NAALADL2: variants seen among roughly 807,000 people sequenced by gnomAD.
NAALADL2 encodes the protein inactive N-acetylated-alpha-linked acidic dipeptidase-like protein 2.
A neutral mutation model predicts 87.2 loss-of-function variants in NAALADL2; 76 were observed. The observed-to-expected ratio is 0.87, with a 90% CI of 0.72 to 1.05. The LOEUF (loss-of-function observed/expected upper bound fraction) is 1.05. Ranked by LOEUF, NAALADL2 falls within the 50% of genes least tolerant of loss-of-function variation. The pLI is 0.00. For missense variants in NAALADL2, 1,089 were observed against 945.8 expected (o/e 1.15, Z -1.99); for synonymous variants, 354 against 331.0 (o/e 1.07, Z -0.75).
intron 11 of NAALADL2, among the ~76,000 whole-genome samples, chr3:175,668,981 A>G (rs1204584595): frequency 6.6e-6 from 1 of 152,126 alleles, no homozygotes. Context: ...GGTGGGTGTT[A>G]TCTCCATTTA....
At chr3:175,665,931 C>T (rs569545232) in intron 11 of NAALADL2, among the ~76,000 whole-genome samples, 5 of 151,562 alleles carry the variant, frequency 3.3e-5, no homozygotes, top group Non-Finnish European at 7.4e-5. Context: ...CTCTGTCCCC[C>T]CCCCAAAAAA....
chr3:174,944,814 G>T (rs986984141), intron 1 of NAALADL2, among the ~76,000 whole-genome samples: 1 of 152,030 alleles, frequency 6.6e-6, no homozygotes, highest in Non-Finnish European at 1.5e-5. Flanking sequence ...GGTTCCCAGG[G>T]GTCACACATT....
intron 5 of NAALADL2, among the ~76,000 whole-genome samples, chr3:175,431,256 C>T (rs958377691): frequency 1.4e-4 from 22 of 152,018 alleles, no homozygotes; most frequent in African/African-American, 5.1e-4. Context: ...ACGAGTTGGG[C>T]ATACTGCAGA....
At chr3:174,857,990 CATAAT>C, upstream of NAALADL2, among the ~76,000 whole-genome samples, 1 of 151,442 alleles carries the variant, frequency 6.6e-6, no homozygotes, top group East Asian at 1.9e-4. Context: ...AGCTAGCACA[CATAAT>C]ATATAGATTT....
intron 1 of NAALADL2, among the ~76,000 whole-genome samples, chr3:175,047,928 G>T (rs896622440): frequency 3.3e-5 from 5 of 152,112 alleles, no homozygotes; most frequent in African/African-American, 4.8e-5. Context: ...AGTGCAGAGG[G>T]CATGGATTTC....
intron 2 of NAALADL2, among the ~76,000 whole-genome samples, chr3:174,621,557 TC>T (rs1272085272): frequency 2.6e-5 from 4 of 152,124 alleles, no homozygotes; most frequent in Admixed American, 6.5e-5. Context: ...TATATAGACC[TC>T]ATGTAATGAG....
chr3:174,639,672 A>G (rs539094388), intron 2 of NAALADL2, among the ~76,000 whole-genome samples: 44 of 152,340 alleles, frequency 2.9e-4, no homozygotes, highest in African/African-American at 9.9e-4. Context: ...CATACAGTCC[A>G]GTGATCTACA....
chr3:175,214,555 GTCT>G (rs1293348737), intron 2 of NAALADL2, among the ~76,000 whole-genome samples: 4 of 151,966 alleles, frequency 2.6e-5, no homozygotes, highest in Admixed American at 6.6e-5. Context: ...CTTATCATCA[GTCT>G]TCTTTGTCTG....
At chr3:174,935,789 G>T (rs1254556267) in intron 1 of NAALADL2, among the ~76,000 whole-genome samples, 1 of 152,032 alleles carries the variant, frequency 6.6e-6, no homozygotes, top group Admixed American at 6.6e-5. Flanking sequence ...CATTCTGTTT[G>T]CCTCTCATGT....
chr3:175,395,248 A>G (rs923070521), intron 5 of NAALADL2, among the ~76,000 whole-genome samples: 6 of 152,120 alleles, frequency 3.9e-5, no homozygotes, highest in African/African-American at 1.2e-4. Flanking sequence ...TACTCATTAC[A>G]CCACTCAGAA....
chr3:175,490,456 A>G (rs1727898341), intron 9 of NAALADL2, among the ~76,000 whole-genome samples: 2 of 151,778 alleles, frequency 1.3e-5, no homozygotes, highest in South Asian at 2.1e-4. Context: ...GCAGGATCTC[A>G]GCTCACTGCA....
chr3:174,554,504 C>T (rs11716545), intron 2 of NAALADL2, among the ~76,000 whole-genome samples: 14,050 of 151,840 alleles, frequency 0.093, 1,109 homozygotes, highest in African/African-American at 0.22. Context: ...TTTCTCCCCT[C>T]CTTCCTTTCT....
At chr3:175,649,235 TAC>T (rs1393276818) in intron 11 of NAALADL2, among the ~76,000 whole-genome samples, 1 of 152,132 alleles carries the variant, frequency 6.6e-6, no homozygotes, top group Non-Finnish European at 1.5e-5. Flanking sequence ...TTCTTTATCA[TAC>T]AGTTTTGTGA....
At chr3:175,786,662 AGAGTAATTTGATCGTCTGAAGC>A (rs2150238141) in intron 13 of NAALADL2, among the ~76,000 whole-genome samples, 1 of 152,252 alleles carries the variant, frequency 6.6e-6, no homozygotes, top group Non-Finnish European at 1.5e-5. Flanking sequence ...CTCGTAGCTC[AGAGTAATTTGATCGTCTGAAGC>A]CTTCTTCTCT....
intron 9 of NAALADL2, among the ~76,000 whole-genome samples, chr3:175,540,100 G>A (rs1712043147): frequency 1.3e-5 from 2 of 152,170 alleles, no homozygotes; most frequent in South Asian, 4.1e-4. Flanking sequence ...CACAGAAATA[G>A]GGGATTACTT....
chr3:174,899,253 A>C (rs1209269390), intron 1 of NAALADL2, among the ~76,000 whole-genome samples: 1 of 152,176 alleles, frequency 6.6e-6, no homozygotes, highest in African/African-American at 2.4e-5. Flanking sequence ...GAAAGACATG[A>C]AAGAGAAATG....
chr3:175,754,264 A>G (rs1265005600), intron 12 of NAALADL2, among the ~76,000 whole-genome samples: 2 of 152,174 alleles, frequency 1.3e-5, no homozygotes, highest in Non-Finnish European at 2.9e-5. Flanking sequence ...AACTTTACCA[A>G]TATCACATAG....
chr3:174,838,535 G>T (rs1176461134), intron 3 of NAALADL2, among the ~76,000 whole-genome samples: 2 of 152,078 alleles, frequency 1.3e-5, no homozygotes, highest in South Asian at 2.1e-4. Context: ...ATCCAAATCA[G>T]TAAAGAGGAA....
chr3:174,561,734 C>G (rs1454004194), intron 2 of NAALADL2, among the ~76,000 whole-genome samples: 1 of 152,122 alleles, frequency 6.6e-6, no homozygotes, highest in Admixed American at 6.6e-5. Flanking sequence ...TCTTTCTCAC[C>G]ATTTGCACTG....
Sources: gnomAD v4.1 joint callset for allele counts (sites outside exome capture counted in the v4.1 genomes callset) on GRCh38, gnomAD v4.1.1 for gene constraint, MANE v1.5 for transcripts, NCBI Gene and HGNC (gene_info 2026-07-23, HGNC 2026-07-21) for gene names.